The following SGCD variants were observed in gnomAD, a reference collection of about 807,000 sequenced individuals.
SGCD encodes the protein sarcoglycan delta.
SGCD carries 18 observed loss-of-function variants against 36.6 expected under a neutral mutation model. The ratio of observed to expected loss-of-function variants is 0.49; its 90% CI spans 0.34 to 0.73. The LOEUF (loss-of-function observed/expected upper bound fraction) is 0.73, where lower values mean the gene tolerates loss of function less well. SGCD is among the 30% of genes least tolerant of loss of function. The pLI, the probability that SGCD is intolerant of heterozygous loss-of-function variation, is 0.01. For synonymous variants in SGCD, 133 were observed against 130.6 expected (o/e 1.02, Z -0.12); for missense variants, 387 against 346.7 (o/e 1.12, Z -0.92).
chr5:155,728,963 C>T, the SGCD span, among the ~76,000 whole-genome samples: 1 of 152,210 alleles, frequency 6.6e-6, no homozygotes, highest in Non-Finnish European at 1.5e-5. Flanking sequence ...GGCTTGGTGG[C>T]CCTGCGGGAT....
intron 7 of SGCD, among the ~76,000 whole-genome samples, chr5:156,674,574 A>G (rs1158506482): frequency 6.6e-6 from 1 of 152,176 alleles, no homozygotes; most frequent in Non-Finnish European, 1.5e-5. Context: ...GGAGACTATC[A>G]TAGGAAGACT....
intron 7 of SGCD, among the ~76,000 whole-genome samples, chr5:156,714,769 T>A (rs988448857): frequency 1.3e-5 from 2 of 152,260 alleles, no homozygotes; most frequent in African/African-American, 4.8e-5. Flanking sequence ...TGCTACATCA[T>A]GTAGATCTCA....
chr5:156,486,071 G>A (rs780422105), intron 3 of SGCD, among the ~76,000 whole-genome samples: 12 of 152,104 alleles, frequency 7.9e-5, no homozygotes, highest in Non-Finnish European at 1.3e-4. Flanking sequence ...CCAAGCAACT[G>A]TAGCATGATG....
the SGCD span, among the ~76,000 whole-genome samples, chr5:155,800,462 C>T: frequency 1.3e-5 from 2 of 152,156 alleles, no homozygotes; most frequent in African/African-American, 2.4e-5. Flanking sequence ...TTTTGAGCTA[C>T]TGACCTTTTC....
chr5:156,099,123 C>G (rs191255537), intron 1 of SGCD, among the ~76,000 whole-genome samples: 4 of 152,312 alleles, frequency 2.6e-5, no homozygotes, highest in Admixed American at 2.6e-4. Flanking sequence ...AGAGACAATA[C>G]ATCTGGTTGC....
chr5:156,179,383 G>A (rs1763548944), intron 3 of SGCD, among the ~76,000 whole-genome samples: 1 of 151,886 alleles, frequency 6.6e-6, no homozygotes, highest in South Asian at 2.1e-4. Flanking sequence ...TTTACGTATT[G>A]CAAGATATTT....
chr5:156,218,182 G>A (rs1028266338), intron 3 of SGCD, among the ~76,000 whole-genome samples: 1 of 152,148 alleles, frequency 6.6e-6, no homozygotes, highest in Non-Finnish European at 1.5e-5. Context: ...AACCTGGGAA[G>A]CGAAGGTTGC....
At chr5:155,974,093 C>T (rs1021133238) in intron 1 of SGCD, among the ~76,000 whole-genome samples, 11 of 152,142 alleles carry the variant, frequency 7.2e-5, no homozygotes, top group Admixed American at 4.6e-4. Context: ...TTATCTTCTA[C>T]ATCTCAATCT....
At chr5:156,025,277 C>T (rs1759202190) in intron 1 of SGCD, among the ~76,000 whole-genome samples, 1 of 152,162 alleles carries the variant, frequency 6.6e-6, no homozygotes, top group Non-Finnish European at 1.5e-5. Flanking sequence ...TCTGCCTCAG[C>T]ATGAAAGTGG....
intron 4 of SGCD, among the ~76,000 whole-genome samples, chr5:156,566,914 A>G (rs750347559): frequency 5.9e-5 from 9 of 152,174 alleles, no homozygotes; most frequent in Non-Finnish European, 1.0e-4. Flanking sequence ...ACCTGAAACC[A>G]TCTTACATAC....
intron 3 of SGCD, among the ~76,000 whole-genome samples, chr5:156,423,510 A>G (rs1241278066): frequency 6.9e-6 from 1 of 144,240 alleles, no homozygotes; most frequent in African/African-American, 2.6e-5. Context: ...GTACAGGTCT[A>G]CTGGAGTTCC....
chr5:156,250,868 G>C (rs1399465647), intron 3 of SGCD, among the ~76,000 whole-genome samples: 2 of 152,226 alleles, frequency 1.3e-5, no homozygotes, highest in African/African-American at 2.4e-5. Flanking sequence ...TGTAGGGAAA[G>C]TAATGGTAAT....
chr5:156,363,757 C>G (rs901307823), intron 3 of SGCD, among the ~76,000 whole-genome samples: 4 of 152,054 alleles, frequency 2.6e-5, no homozygotes, highest in African/African-American at 4.8e-5. Flanking sequence ...CTTATTAGTT[C>G]CCTTATTTCC....
At chr5:155,816,956 T>C in the SGCD span, among the ~76,000 whole-genome samples, 2 of 152,306 alleles carry the variant, frequency 1.3e-5, no homozygotes, top group East Asian at 3.9e-4. Flanking sequence ...GCACAACTGT[T>C]TTCATTTTTA....
At chr5:156,320,477 T>C (rs1405619435) in intron 3 of SGCD, among the ~76,000 whole-genome samples, 1 of 152,172 alleles carries the variant, frequency 6.6e-6, no homozygotes, top group Non-Finnish European at 1.5e-5. Flanking sequence ...AGAAAGAACG[T>C]TAAAAGAATT....
At chr5:156,607,229 T>C (rs1190464091) in intron 6 of SGCD, among the ~76,000 whole-genome samples, 1 of 152,234 alleles carries the variant, frequency 6.6e-6, no homozygotes, top group Non-Finnish European at 1.5e-5. Flanking sequence ...CATCAATACC[T>C]AGTTTATTGA....
intron 3 of SGCD, among the ~76,000 whole-genome samples, chr5:156,296,063 T>C (rs1766885854): frequency 6.6e-6 from 1 of 152,180 alleles, no homozygotes; most frequent in African/African-American, 2.4e-5. Flanking sequence ...TCTAAGGCAT[T>C]GCTCAAACTG....
chr5:156,203,521 C>T (rs61314270), intron 3 of SGCD, among the ~76,000 whole-genome samples: 2 of 152,168 alleles, frequency 1.3e-5, no homozygotes, highest in East Asian at 1.9e-4. Flanking sequence ...TTGTATGTCC[C>T]GACCACTTAT....
chr5:156,729,336 C>G (rs1046361323), intron 7 of SGCD, among the ~76,000 whole-genome samples: 1 of 152,138 alleles, frequency 6.6e-6, no homozygotes, highest in Non-Finnish European at 1.5e-5. Context: ...ACAGTAAGGC[C>G]TTAGTTTACT....
Sources: gnomAD v4.1 joint callset for allele counts (sites outside exome capture counted in the v4.1 genomes callset) on GRCh38, gnomAD v4.1.1 for gene constraint, MANE v1.5 for transcripts, NCBI Gene and HGNC (gene_info 2026-07-23, HGNC 2026-07-21) for gene names.